Variants in PLCH1 observed in about 807,000 individuals in gnomAD.
PLCH1 encodes the protein phospholipase C eta 1, also known as 1-phosphatidylinositol 4,5-bisphosphate phosphodiesterase eta-1.
A neutral mutation model predicts 126.7 loss-of-function variants in PLCH1; 60 were observed. The ratio of observed to expected loss-of-function variants is 0.47; its 90% CI spans 0.38 to 0.59. The LOEUF (loss-of-function observed/expected upper bound fraction) is 0.59, where lower values mean the gene tolerates loss of function less well. Ranked by LOEUF, PLCH1 falls within the 20% of genes least tolerant of loss-of-function variation. The pLI is 0.00. For synonymous variants in PLCH1, 719 were observed against 734.9 expected, an observed-to-expected ratio of 0.98 and a Z score of 0.35; for missense variants, 1,723 against 2,040.0, an observed-to-expected ratio of 0.84 and a Z score of 2.99.
intron 2 of PLCH1, among the ~76,000 whole-genome samples, chr3:155,644,542 G>A (rs1206029210): frequency 4.6e-5 from 7 of 152,166 alleles, no homozygotes; most frequent in Non-Finnish European, 8.8e-5. Context: ...GGCGGAAGTT[G>A]CAGAGAGCTG....
chr3:155,588,431 T>C (rs1402588203), intron 4 of PLCH1, among the ~76,000 whole-genome samples: 6 of 152,172 alleles, frequency 3.9e-5, no homozygotes, highest in African/African-American at 1.4e-4. Flanking sequence ...ACTTCGGGCT[T>C]TCAACTATGG....
rs755156987 is a variant in PLCH1, at chr3:155,482,301, G to A, written c.3725C>T (p.Ser1242Phe). 6 of 1,614,060 alleles carry A rather than the reference G, an allele frequency of 3.7e-6. No individual in the cohort carries two copies. In the African/African-American group the frequency reaches 4.0e-5, roughly 11 times the overall value. The change falls in exon 23 of 23, where the codon TCC (serine) becomes TTC (phenylalanine). Residue 1242 changes from serine to phenylalanine, a missense_variant. Transcript: ENST00000460012. ...CAGCTCCGGAGATGAGCACAGGAAG[G>A]AAGACTTGGATTTTCCCTTGCAAAA... is the stretch of plus-strand genomic sequence containing the variant. ...HGFCKGKSKS[S>F]FLCSSPELIA...
At position 155,482,405 on chromosome 3, in the gene PLCH1, A is replaced by G; in HGVS notation, c.3621T>C (p.Ser1207=). 4 of 1,614,184 alleles carry G rather than the reference A, an allele frequency of 2.5e-6. No individual in the cohort carries two copies. The highest frequency in any genetic ancestry group is 3.4e-6 in the Non-Finnish European group (4 of 1,180,022). The change falls in exon 23 of 23, where the codon TCT becomes TCC. Residue 1207 remains serine, a synonymous_variant. Coordinates refer to ENST00000460012, the MANE Select transcript of PLCH1 (RefSeq NM_014996.4). ...ACATCACACTGGTATTATGAAGATG[A>G]GAAACAACTGTGAGAGCCTGATTGT... is the stretch of plus-strand genomic sequence containing the variant. ...ETNNQALTVV[S]HLHNTSVMSG... is the part of the protein sequence containing the mutation.
intron 2 of PLCH1, among the ~76,000 whole-genome samples, chr3:155,674,410 G>C (rs1055170454): frequency 2.0e-5 from 3 of 152,140 alleles, no homozygotes; most frequent in Non-Finnish European, 4.4e-5. Flanking sequence ...ATGCAACTCA[G>C]ATTTCATGAT....
At chr3:155,678,554 C>T (rs1310228145) in intron 2 of PLCH1, among the ~76,000 whole-genome samples, 3 of 152,170 alleles carry the variant, frequency 2.0e-5, no homozygotes, top group East Asian at 3.9e-4. Flanking sequence ...AACTTATAAA[C>T]ACCTATCCTG....
intron 1 of PLCH1, among the ~76,000 whole-genome samples, chr3:155,738,432 A>G (rs534546752): frequency 6.6e-6 from 1 of 152,264 alleles, no homozygotes; most frequent in East Asian, 1.9e-4. Context: ...GCTTGAGCAC[A>G]GGAGTTCGAG....
chr3:155,505,891 G>GTTTTT (rs545714401), intron 12 of PLCH1, among the ~76,000 whole-genome samples: 2 of 147,994 alleles, frequency 1.4e-5, no homozygotes, highest in Non-Finnish European at 3.0e-5. Context: ...CTCTTGGTCC[G>GTTTTT]CTTTTTTTTT....
intron 10 of PLCH1, among the ~76,000 whole-genome samples, chr3:155,526,489 TAC>T (rs35144196): frequency 0.21 from 27,082 of 126,214 alleles, 2,669 homozygotes; most frequent in African/African-American, 0.23. Flanking sequence ...CTCTCTCTCA[TAC>T]ACACACACAC....
In PLCH1 at chr3:155,565,110, T is replaced by G. The variant is rs781730078; in HGVS notation, c.874A>C (p.Asn292His). The change falls in exon 8 of 23, where the codon AAC becomes CAC. Residue 292 changes from asparagine (N) to histidine (H), a missense_variant. Asn to His is a moderately conservative substitution (Grantham distance 68). Around this residue, in one of 2 missense-constraint regions of PLCH1, gnomAD observed 776 missense variants for 1,062.9 expected, o/e 0.73. Transcript: ENST00000460012. ...TCACAGGCAGGACTACGCATGAAGT[T>G]CGTGAAGCCTTTGGAAGAAAGAGAG... is the stretch of plus-strand genomic sequence containing the variant. ...KNVLGIEGFT[N>H]FMRSPACDIF... 1 of 1,612,624 alleles carries G rather than the reference T, an allele frequency of 6.2e-7. No homozygotes were observed.
chr3:155,590,699 A>G (rs1732045829), intron 4 of PLCH1, among the ~76,000 whole-genome samples: 2 of 151,336 alleles, frequency 1.3e-5, no homozygotes, highest in Admixed American at 1.3e-4. Flanking sequence ...GCAGTGAGCC[A>G]AGATCACACC....
chr3:155,561,667 T>G (rs1727650842), intron 8 of PLCH1, among the ~76,000 whole-genome samples: 1 of 152,082 alleles, frequency 6.6e-6, no homozygotes, highest in African/African-American at 2.4e-5. Context: ...GATGGCTGGG[T>G]CAAATGGTAT....
rs771534941 is a variant in PLCH1, at chr3:155,481,594, G to T, written c.4432C>A (p.Leu1478Met). ...CTTTTGGATTTGCAAGGACTAGGCAGTTTCAGAGCAGGCAAAGGAAGATGT... is the reference window on the plus strand; with the variant it reads ...CTTTTGGATTTGCAAGGACTAGGCATTTTCAGAGCAGGCAAAGGAAGATGT... ...LAHLPLPALK[L>M]PSPCKSKSLG... The change falls in exon 23 of 23, where the codon CTG (leucine) becomes ATG (methionine). Residue 1478 changes from leucine (L) to methionine (M), a missense_variant. Around this residue, in one of 2 missense-constraint regions of PLCH1, gnomAD observed 947 missense variants for 977.1 expected, o/e 0.97. Transcript: ENST00000460012. This position sits in a 1 kb window ranked among gnomAD's most constrained non-coding sequence, Gnocchi z 4.2. The T allele has an allele frequency of 1.2e-6, 2 of 1,614,178 alleles. No homozygotes were observed. The highest frequency in any genetic ancestry group is 1.7e-6 in the Non-Finnish European group (2 of 1,180,044).
chr3:155,466,141 T>C (rs756285625), intron 21 of PLCH1, among the ~76,000 whole-genome samples: 3 of 152,174 alleles, frequency 2.0e-5, no homozygotes, highest in African/African-American at 4.8e-5. Flanking sequence ...TCAGCAAACA[T>C]AGGCAGTAGC....
chr3:155,532,360 T>G (rs1199236725), intron 10 of PLCH1, among the ~76,000 whole-genome samples: 1 of 151,816 alleles, frequency 6.6e-6, no homozygotes, highest in Non-Finnish European at 1.5e-5. Context: ...AAACTGTGAG[T>G]GGCCAAAGTG....
chr3:155,700,948 C>T (rs1037990690), intron 2 of PLCH1, among the ~76,000 whole-genome samples: 6 of 152,122 alleles, frequency 3.9e-5, no homozygotes, highest in African/African-American at 1.4e-4. Context: ...GGGAAGATCC[C>T]AGAGATTAGC....
rs201697555 is a variant in PLCH1 at position 155,640,920 on chromosome 3, AT to A, written c.80-44543del. 6.3e-3 allele frequency among the ~76,000 whole-genome samples: 962 copies of A among 152,280 alleles called. 12 individuals are homozygous for A. The highest frequency in any genetic ancestry group is 0.022 in the African/African-American group (901 of 41,554). On this transcript the variant is annotated intron_variant, in intron 2 of 22. Coordinates refer to ENST00000460012, the MANE Select transcript of PLCH1 (RefSeq NM_014996.4). ...TCCTTTCCTAAGCCTGTCAAAGTAAATTTCAACGAACGAATTCATAACATAA... is the reference window on the plus strand; with the variant it reads ...TCCTTTCCTAAGCCTGTCAAAGTAAATTCAACGAACGAATTCATAACATAA...
chr3:155,644,734 T>G (rs899789719), intron 2 of PLCH1, among the ~76,000 whole-genome samples: 1 of 152,252 alleles, frequency 6.6e-6, no homozygotes, highest in Non-Finnish European at 1.5e-5. Context: ...GATTTTATGC[T>G]GTCATGTTTA....
At chr3:155,529,673 C>T (rs150208414) in intron 10 of PLCH1, among the ~76,000 whole-genome samples, 2,840 of 152,222 alleles carry the variant, frequency 0.019, 91 homozygotes, top group African/African-American at 0.066. Context: ...ATTTTGCTGG[C>T]GGAGGGTCTT....
intron 2 of PLCH1, among the ~76,000 whole-genome samples, chr3:155,628,388 C>G (rs1394578459): frequency 3.4e-5 from 5 of 146,214 alleles, no homozygotes; most frequent in South Asian, 4.4e-4. Context: ...TCCTTATCCT[C>G]GAAGACACAG....
Sources: allele counts gnomAD v4.1 joint callset (sites outside exome capture counted in the v4.1 genomes callset), GRCh38; gene constraint gnomAD v4.1.1; regional missense constraint gnomAD v4.1.1; non-coding constraint Gnocchi (gnomAD v3.1); transcripts MANE v1.5; gene names NCBI Gene and HGNC (gene_info 2026-07-23, HGNC 2026-07-21).